The following ASPSCR1 variants were observed in gnomAD, a reference collection of about 807,000 sequenced individuals.
The protein encoded by ASPSCR1 is tether containing UBX domain for GLUT4.
A neutral mutation model predicts 68.9 loss-of-function variants in ASPSCR1; 55 were observed. The observed-to-expected ratio is 0.80, with a 90% CI of 0.64 to 1.00. The LOEUF (loss-of-function observed/expected upper bound fraction) is 1.00. Ranked by LOEUF, ASPSCR1 falls within the 50% of genes least tolerant of loss-of-function variation. ASPSCR1 has a pLI of 0.00. For synonymous variants in ASPSCR1, 352 were observed against 332.6 expected (o/e 1.06, Z -0.63); for missense variants, 765 against 762.2 (o/e 1.00, Z -0.04).
intron 2 of ASPSCR1, among the ~76,000 whole-genome samples, chr17:81,980,736 G>A (rs1170917226): frequency 3.3e-5 from 5 of 152,156 alleles, no homozygotes; most frequent in Non-Finnish European, 7.3e-5. Flanking sequence ...TACTTAATAC[G>A]CTGTAGGAGG....
chr17:82,011,447 A>G, intron 10 of ASPSCR1, 96 bp from the exon 11 acceptor site: 1 of 1,172,478 alleles, frequency 8.5e-7, no homozygotes, highest in Non-Finnish European at 1.2e-6. Context: ...CCTCGGGGAA[A>G]GGCCCAGGAG....
At chr17:82,010,180 CCAAAG>C in intron 9 of ASPSCR1, 1 of 241,292 alleles carries the variant, frequency 4.1e-6, no homozygotes, top group Admixed American at 5.7e-5. Context: ...CCTCGGCCTC[CCAAAG>C]TTCTGGGATT....
At chr17:81,985,433 A>T (rs2041964590) in intron 3 of ASPSCR1, 74 bp from the exon 4 acceptor site, 1 of 1,494,050 alleles carries the variant, frequency 6.7e-7, no homozygotes, top group African/African-American at 1.4e-5. Context: ...CTGTGTCTGG[A>T]GAATCAGTCT....
intron 1 of ASPSCR1, among the ~76,000 whole-genome samples, 188 bp from the exon 2 acceptor site, chr17:81,978,996 G>A (rs2041707734): frequency 1.3e-5 from 2 of 152,152 alleles, no homozygotes; most frequent in Admixed American, 6.6e-5. Flanking sequence ...GAGGGAGAGT[G>A]GACAGGATTT....
intron 4 of ASPSCR1, among the ~76,000 whole-genome samples, chr17:81,994,434 A>C (rs111271806): frequency 0.023 from 3,484 of 151,890 alleles, 116 homozygotes; most frequent in African/African-American, 0.08. Flanking sequence ...CGGTACCCTG[A>C]CTCTCAGGCT....
At chr17:82,015,399 A>G (rs2043089078) in intron 12 of ASPSCR1, 1 of 1,561,746 alleles carries the variant, frequency 6.4e-7, no homozygotes, top group African/African-American at 1.4e-5. Context: ...AGGCGCAGAC[A>G]GGGAGCCCAG....
At chr17:81,978,790 A>C (rs2041698918) in intron 1 of ASPSCR1, 1 of 267,450 alleles carries the variant, frequency 3.7e-6, no homozygotes, top group South Asian at 4.1e-5. Context: ...GAGGCGGTGC[A>C]GGCAGTGGCA....
intron 7 of ASPSCR1, chr17:82,008,050 G>C (rs2042781563): frequency 6.6e-6 from 1 of 152,362 alleles, no homozygotes; most frequent in Non-Finnish European, 1.5e-5. Context: ...CACATGCTGG[G>C]TGGCTGCAGG....
At chr17:81,996,297 A>G in intron 6 of ASPSCR1, 123 bp from the exon 7 acceptor site, 1 of 1,412,894 alleles carries the variant, frequency 7.1e-7, no homozygotes, top group Non-Finnish European at 9.3e-7. Flanking sequence ...ATGGGGCAGG[A>G]GAGGGTGAAC....
Position 82,015,006 on chromosome 17 carries a change from C to T in ASPSCR1, c.1354-1470C>T, listed in dbSNP as rs578096247. On this transcript the variant is annotated intron_variant, in intron 12 of 15. Coordinates refer to ENST00000306739, the MANE Select transcript of ASPSCR1 (RefSeq NM_024083.4). ...TGGGGAGAGGCCCCTCAGCCTGTGC[C>T]TCCCTCAAAGGCCCTTCCCGGGCCC... 7,066 of 1,483,490 alleles carry T rather than the reference C, an allele frequency of 4.8e-3. 72 individuals are homozygous for T. The highest frequency in any genetic ancestry group is 5.0e-3 in the Admixed American group (233 of 46,712). The allele number at this position is 1,483,490 out of a possible 1,614,324, so 91.9% of individuals were successfully genotyped here.
intron 7 of ASPSCR1, among the ~76,000 whole-genome samples, chr17:82,001,466 G>C (rs1382158717): frequency 6.6e-6 from 1 of 152,188 alleles, no homozygotes; most frequent in South Asian, 2.1e-4. Flanking sequence ...GGCCTTGATT[G>C]GAATGGCCAC....
Position 81,985,519 on chromosome 17 carries a change from T to C in ASPSCR1, c.286T>C (p.Leu96=). Residue 96 remains leucine, a synonymous_variant, in exon 4 of 16, where the codon TTG becomes CTG. Transcript: ENST00000306739. ...TTATACCCTCCAGGTTCGCATCGCTTTGCAGCTGGACGATGGCTCGAGGTT... is the reference window on the plus strand; with the variant it reads ...TTATACCCTCCAGGTTCGCATCGCTCTGCAGCTGGACGATGGCTCGAGGTT... The part of the protein sequence containing the change: ...EGPENMVRIA[L]QLDDGSRLQD... 6.2e-7 allele frequency: 1 copy of C among 1,614,068 alleles called. No individual in the cohort carries two copies. Among genetic ancestry groups the C allele is most frequent in the East Asian group, 2.2e-5 (1 of 44,890 alleles).
chr17:81,982,613 G>C lies in ASPSCR1; in HGVS notation c.159-941G>C, dbSNP rs137976141. On this transcript the variant is annotated intron_variant, in intron 2 of 15. Coordinates refer to ENST00000306739, the MANE Select transcript of ASPSCR1 (RefSeq NM_024083.4). ...AGTTTGTTCTCTCTTAATTCTTCCA[G>C]ATGCCCCTGGGCTGTCTGAACTCTC... 1.9e-3 allele frequency: 286 copies of C among 152,368 alleles called. 1 individual carries two copies. Among genetic ancestry groups the C allele is most frequent in the African/African-American group, 6.7e-3 (277 of 41,562 alleles). 9.4% of individuals were successfully genotyped at this position (152,368 alleles called of 1,614,324 possible). A position where few individuals can be genotyped will look rare whatever the true frequency, so the allele number is the denominator to read the frequency against.
chr17:82,001,890 C>T (rs1436237287), intron 7 of ASPSCR1, among the ~76,000 whole-genome samples: 5 of 152,090 alleles, frequency 3.3e-5, no homozygotes, highest in African/African-American at 1.2e-4. Context: ...TCCACAGTGA[C>T]ACACGCCTGC....
Position 81,996,554 on chromosome 17 carries a change from G to A in ASPSCR1, c.641G>A (p.Arg214His), listed in dbSNP as rs375727115. 28 of 1,612,770 alleles carry A rather than the reference G, an allele frequency of 1.7e-5. No individual in the cohort carries two copies. In the Middle Eastern group the frequency reaches 6.6e-4, roughly 38 times the overall value. The change falls in exon 7 of 16, where the codon CGT (arginine) becomes CAT (histidine). Residue 214 changes from arginine (R) to histidine (H), a missense_variant. By Grantham distance (29) the Arg-to-His change is conservative (BLOSUM62 0). Coordinates refer to ENST00000306739, the MANE Select transcript of ASPSCR1 (RefSeq NM_024083.4). Reference protein sequence around the residue: ...SGELSRGDLSRPEDADTSGPC... With the variant: ...SGELSRGDLSHPEDADTSGPC... ...GAGCTCAGCCGCGGCGACTTGAGCCGTCCGGAGGACGCGGACACCTCAGGG... is the reference window on the plus strand; with the variant it reads ...GAGCTCAGCCGCGGCGACTTGAGCCATCCGGAGGACGCGGACACCTCAGGG...
At chr17:81,979,925 G>C (rs766563404) in intron 2 of ASPSCR1, among the ~76,000 whole-genome samples, 1 of 152,212 alleles carries the variant, frequency 6.6e-6, no homozygotes, top group Admixed American at 6.5e-5. Flanking sequence ...TAGGATGTGC[G>C]TGTCTATCCC....
rs372109918 is a variant in ASPSCR1, at chr17:81,985,323, G to A, written c.274-184G>A. Among the ~76,000 whole-genome samples, 9 of 152,288 alleles carry A rather than the reference G, an allele frequency of 5.9e-5. No individual in the cohort carries two copies. The East Asian group carries it at 1.2e-3, about 20-fold the overall frequency. On this transcript the variant is annotated intron_variant, in intron 3 of 15. Coordinates refer to ENST00000306739, the MANE Select transcript of ASPSCR1 (RefSeq NM_024083.4). ...ACACGCATGCTGGTGCAGCCCTGCC[G>A]GGGAGCCTCCAAGGCCCTCACTCCA...
intron 8 of ASPSCR1, 120 bp downstream of exon 8, chr17:82,009,311 G>T: frequency 1.4e-6 from 2 of 1,421,062 alleles, no homozygotes; most frequent in Non-Finnish European, 9.4e-7. Context: ...CTGACAGGCT[G>T]CCCTTAACAG....
Position 82,009,915 on chromosome 17 carries a change from CTTTT to C in ASPSCR1, c.1170+358_1170+361del, listed in dbSNP as rs36093868. On this transcript the variant is annotated intron_variant, in intron 9 of 15. Transcript: ENST00000306739. ...CCCTGCTCATGATTTAGAATGAAAC[CTTTT>C]TTTTTTTTTGAGACGGAGTCTCTCT... 240 of 200,320 alleles carry C rather than the reference CTTTT, an allele frequency of 1.2e-3. 1 individual carries two copies. Among genetic ancestry groups the C allele is most frequent in the Admixed American group, 2.0e-3 (31 of 15,462 alleles). 12.4% of individuals were successfully genotyped at this position (200,320 alleles called of 1,614,324 possible).
Sources: gnomAD v4.1 joint callset for allele counts (sites outside exome capture counted in the v4.1 genomes callset) on GRCh38, gnomAD v4.1.1 for gene constraint, MANE v1.5 for transcripts, NCBI Gene and HGNC (gene_info 2026-07-23, HGNC 2026-07-21) for gene names.